TMEM234: variants seen among roughly 807,000 people sequenced by gnomAD.
TMEM234 encodes transmembrane protein 234, also known as chromosome 1 open reading frame 91.
TMEM234 carries 21 observed loss-of-function variants against 17.8 expected under a neutral mutation model. The observed-to-expected ratio is 1.18, with a 90% CI of 0.84 to 1.70. The LOEUF (loss-of-function observed/expected upper bound fraction) is 1.70. Ranked by LOEUF, TMEM234 falls within the 40% of genes most tolerant of loss-of-function variation. The pLI, the probability that TMEM234 is intolerant of heterozygous loss-of-function variation, is 0.00. For synonymous variants in TMEM234, 83 were observed against 73.5 expected, an observed-to-expected ratio of 1.13 and a Z score of -0.66; for missense variants, 137 against 166.9, an observed-to-expected ratio of 0.82 and a Z score of 0.99.
chr1:32,215,116 A>C (rs1638271090), downstream of TMEM234: 1 of 848,340 alleles, frequency 1.2e-6, no homozygotes, highest in Non-Finnish European at 1.8e-6. Flanking sequence ...CCCGTAAAAA[A>C]AAAAAAAGCT....
chr1:32,215,942 A>G, downstream of TMEM234: 1 of 1,468,684 alleles, frequency 6.8e-7, no homozygotes, highest in South Asian at 1.2e-5. Flanking sequence ...TACTCTGGCC[A>G]CCTTTTGTCC....
At chr1:32,216,993 C>T (rs1401399706) in intron 4 of TMEM234, 46 bp from the exon 5 acceptor site, 1 of 1,613,104 alleles carries the variant, frequency 6.2e-7, no homozygotes, top group Admixed American at 1.7e-5. Flanking sequence ...TCAGCCATGC[C>T]AGTAGGAGCT....
At chr1:32,217,895 TA>T (rs1638555402) in intron 3 of TMEM234, among the ~76,000 whole-genome samples, 1 of 152,264 alleles carries the variant, frequency 6.6e-6, no homozygotes, top group African/African-American at 2.4e-5. Flanking sequence ...GCGCCGTTAT[TA>T]AACTGTGGAT....
Position 32,222,325 on chromosome 1 carries a change from C to A in TMEM234, c.-3G>T. 1 of 1,561,966 alleles carries A rather than the reference C, an allele frequency of 6.4e-7. No individual in the cohort carries two copies. Among genetic ancestry groups the A allele is most frequent in the Non-Finnish European group, 8.7e-7 (1 of 1,152,238 alleles). On this transcript the variant is annotated 5_prime_UTR_variant, in exon 1 of 5. Transcript: ENST00000309777. Reference sequence around the variant, plus strand: ...TACCTACCCAGAGACGCCGCCATGGCAACGCCGCTGTCTTCTACTTCCGGG... The same window carrying A: ...TACCTACCCAGAGACGCCGCCATGGAAACGCCGCTGTCTTCTACTTCCGGG...
chr1:32,221,910 TGGGCCCA>T lies in TMEM234; in HGVS notation c.118_124del (p.Trp40SerfsTer7). 6.2e-7 allele frequency: 1 copy of T among 1,612,920 alleles called. No homozygotes were observed. The highest frequency in any genetic ancestry group is 8.5e-7 in the Non-Finnish European group (1 of 1,179,966). On this transcript the variant is annotated frameshift_variant, in exon 2 of 5. Transcript: ENST00000309777. LOFTEE classifies it high-confidence loss of function. The stretch of plus-strand genomic sequence containing the variant: ...GGTCTTCATCTCCTGTAGCAACTGC[TGGGCCCA>T]GGTCGGCTCATGAACCCGCTGCAGG...
In TMEM234 at chr1:32,217,509, C is replaced by T. The variant is rs1243644090; in HGVS notation, c.236-158G>A. On this transcript the variant is annotated intron_variant, in intron 3 of 4. Coordinates refer to ENST00000309777, the MANE Select transcript of TMEM234 (RefSeq NM_019118.5). ...AATCTCAGGACTCAAACCCACATCTCCTGACTCCACGTTCAGTGCTTCCCA... is the reference window on the plus strand; with the variant it reads ...AATCTCAGGACTCAAACCCACATCTTCTGACTCCACGTTCAGTGCTTCCCA... The T allele has an allele frequency of 2.0e-6, 3 of 1,494,284 alleles. No homozygotes were observed. In the East Asian group the frequency reaches 7.4e-5, roughly 37 times the overall value. 92.6% of individuals were successfully genotyped at this position (1,494,284 alleles called of 1,614,324 possible).
chr1:32,220,482 T>C (rs1638797389), intron 3 of TMEM234, among the ~76,000 whole-genome samples: 1 of 152,214 alleles, frequency 6.6e-6, no homozygotes, highest in African/African-American at 2.4e-5. Flanking sequence ...CAGTCGAGCA[T>C]AAACTTTTAA....
At position 32,220,289 on chromosome 1, in the gene TMEM234, G is replaced by A. The variant is rs546797074; in HGVS notation, c.235+842C>T. On this transcript the variant is annotated intron_variant, in intron 3 of 4. Transcript: ENST00000309777. ...CCTCCCAGGTTCAAGCCATTCTCGCGCCTCAGCCTCCCAAGTAGCTGGGAC... is the reference window on the plus strand; with the variant it reads ...CCTCCCAGGTTCAAGCCATTCTCGCACCTCAGCCTCCCAAGTAGCTGGGAC... Among the ~76,000 whole-genome samples the A allele has an allele frequency of 1.3e-4, 20 of 152,184 alleles. No homozygotes were observed. The East Asian group carries it at 2.5e-3, about 19-fold the overall frequency.
intron 3 of TMEM234, 116 bp from the exon 4 acceptor site, chr1:32,217,467 C>A: frequency 6.5e-7 from 1 of 1,546,220 alleles, no homozygotes. Flanking sequence ...CCCCATCTTC[C>A]AGATGAAGTC....
intron 3 of TMEM234, among the ~76,000 whole-genome samples, chr1:32,219,591 G>A (rs1299945515): frequency 6.6e-6 from 1 of 151,956 alleles, no homozygotes; most frequent in Non-Finnish European, 1.5e-5. Flanking sequence ...TGTTGCCTAG[G>A]GTGATCTCTA....
At position 32,221,873 on chromosome 1, in the gene TMEM234, A is replaced by G. The variant is rs1327886349; in HGVS notation, c.162T>C (p.Asn54=). The G allele has an allele frequency of 3.7e-6, 6 of 1,612,240 alleles. No homozygotes were observed. The East Asian group carries it at 1.1e-4, about 30-fold the overall frequency. The change falls in exon 2 of 5, where the codon AAT becomes AAC. Residue 54 remains asparagine (N), a synonymous_variant. Coordinates refer to ENST00000309777, the MANE Select transcript of TMEM234 (RefSeq NM_019118.5). ...LLQEMKTLFL[N]TEYLMPFLLN... is the part of the protein sequence containing the mutation. ...GCCTTTCACAGAGACGCACCTCAGT[A>G]TTCAAGAAGAGGGTCTTCATCTCCT...
At chr1:32,218,195 C>T (rs1341668380) in intron 3 of TMEM234, among the ~76,000 whole-genome samples, 3 of 152,148 alleles carry the variant, frequency 2.0e-5, no homozygotes, top group African/African-American at 7.2e-5. Context: ...GAGGCTGAGG[C>T]GGGCGGATCA....
chr1:32,214,685 C>T (rs1018982298), downstream of TMEM234: 37 of 1,463,396 alleles, frequency 2.5e-5, no homozygotes, highest in Non-Finnish European at 3.3e-5. Context: ...CAGACGGTGT[C>T]TCCTCTGCCA....
Position 32,216,903 on chromosome 1 carries a change from A to T in TMEM234, c.373T>A (p.Cys125Ser). The change falls in exon 5 of 5, where the codon TGC becomes AGC. Residue 125 changes from cysteine to serine, a missense_variant. Coordinates refer to ENST00000309777, the MANE Select transcript of TMEM234 (RefSeq NM_019118.5). The stretch of plus-strand genomic sequence containing the variant: ...GTCTTACTCACTGAGCTTGTGATGC[A>T]GAGTGAAATTCCTATCACGGTGAGC... ...MVLTVIGISL[C>S]ITSSVSKTQG... is the part of the protein sequence containing the mutation. 1 of 1,614,222 alleles carries T rather than the reference A, an allele frequency of 6.2e-7. No homozygotes were observed. Among genetic ancestry groups the T allele is most frequent in the Admixed American group, 1.7e-5 (1 of 60,026 alleles).
downstream of TMEM234, chr1:32,214,923 T>C (rs1638255937): frequency 6.2e-7 from 1 of 1,613,890 alleles, no homozygotes; most frequent in Non-Finnish European, 8.5e-7. Context: ...CACACTCTCA[T>C]TCCCATCAGG....
intron 3 of TMEM234, 71 bp downstream of exon 3, chr1:32,221,059 AC>A (rs1638856714): frequency 7.6e-7 from 1 of 1,320,762 alleles, no homozygotes; most frequent in Non-Finnish European, 1.1e-6. Flanking sequence ...TTCAAGCTCC[AC>A]CCCGCCCCCC....
At chr1:32,217,143 G>C in intron 4 of TMEM234, 116 bp downstream of exon 4, 3 of 1,593,532 alleles carry the variant, frequency 1.9e-6, no homozygotes, top group Non-Finnish European at 2.6e-6. Flanking sequence ...GAAAGGGCAG[G>C]ATGGGAAAAG....
At chr1:32,215,803 G>T (rs1309466207), downstream of TMEM234, 1 of 1,551,862 alleles carries the variant, frequency 6.4e-7, no homozygotes, top group Admixed American at 2.0e-5. Flanking sequence ...CTCCTGCAGA[G>T]GGCAGCACAG....
chr1:32,221,060 C>T, intron 3 of TMEM234, 71 bp downstream of exon 3: 16 of 1,341,346 alleles, frequency 1.2e-5, no homozygotes, highest in Non-Finnish European at 1.7e-5. Context: ...TCAAGCTCCA[C>T]CCCGCCCCCC....
Sources: allele counts gnomAD v4.1 joint callset (sites outside exome capture counted in the v4.1 genomes callset), GRCh38; gene constraint gnomAD v4.1.1; transcripts MANE v1.5; gene names NCBI Gene and HGNC (gene_info 2026-07-23, HGNC 2026-07-21).